The following GNA14 variants were observed in gnomAD, a reference collection of about 807,000 sequenced individuals.
GNA14 encodes the protein G protein subunit alpha 14.
GNA14 carries 50 observed loss-of-function variants against 42.0 expected under a neutral mutation model. That is an observed-to-expected ratio of 1.19 (90% CI 0.95 to 1.51). The LOEUF (loss-of-function observed/expected upper bound fraction) is 1.51. GNA14 is among the 40% of genes most tolerant of loss of function. GNA14 has a pLI of 0.00. For synonymous variants in GNA14, 173 were observed against 163.1 expected (o/e 1.06, Z -0.46); for missense variants, 473 against 446.2 (o/e 1.06, Z -0.54).
intron 1 of GNA14, among the ~76,000 whole-genome samples, chr9:77,558,229 C>T (rs75468398): frequency 6.6e-6 from 1 of 151,944 alleles, no homozygotes; most frequent in Non-Finnish European, 1.5e-5. Context: ...TTTGGAGGTG[C>T]CTTGCCATGA....
At chr9:77,612,384 TACCAAGCCTGCAGGG>T (rs1823748399) in intron 1 of GNA14, among the ~76,000 whole-genome samples, 1 of 152,180 alleles carries the variant, frequency 6.6e-6, no homozygotes, top group Non-Finnish European at 1.5e-5. Context: ...ACATCATTCC[TACCAAGCCTGCAGGG>T]AAAGTAGCTC....
At chr9:77,483,388 T>G (rs1009024420) in intron 2 of GNA14, among the ~76,000 whole-genome samples, 2 of 152,140 alleles carry the variant, frequency 1.3e-5, no homozygotes, top group African/African-American at 4.8e-5. Context: ...GAACAGCGGA[T>G]ATGGGTGACC....
chr9:77,553,055 A>C (rs1837804969), intron 1 of GNA14, among the ~76,000 whole-genome samples: 1 of 152,200 alleles, frequency 6.6e-6, no homozygotes, highest in South Asian at 2.1e-4. Flanking sequence ...ACATCCCAGG[A>C]AAAAAGGCAC....
At chr9:77,475,369 T>C (rs1298468941) in intron 2 of GNA14, among the ~76,000 whole-genome samples, 1 of 152,200 alleles carries the variant, frequency 6.6e-6, no homozygotes, top group African/African-American at 2.4e-5. Context: ...GGATCAGAAC[T>C]TGAAAAGGCT....
At chr9:77,506,637 A>G (rs1368845439) in intron 2 of GNA14, among the ~76,000 whole-genome samples, 1 of 152,176 alleles carries the variant, frequency 6.6e-6, no homozygotes, top group Non-Finnish European at 1.5e-5. Flanking sequence ...AGATCAGGCC[A>G]CTACACTCCA....
chr9:77,601,976 T>C (rs1823573477), intron 1 of GNA14, among the ~76,000 whole-genome samples: 1 of 152,228 alleles, frequency 6.6e-6, no homozygotes, highest in Non-Finnish European at 1.5e-5. Flanking sequence ...CAGACTGTGC[T>C]CAGTCCTGCA....
At chr9:77,623,384 T>C (rs1238626241) in intron 1 of GNA14, among the ~76,000 whole-genome samples, 1 of 152,082 alleles carries the variant, frequency 6.6e-6, no homozygotes, top group Non-Finnish European at 1.5e-5. Flanking sequence ...TGTAAATCTC[T>C]TCCTAATTGG....
intron 1 of GNA14, among the ~76,000 whole-genome samples, chr9:77,587,036 A>T (rs1344851761): frequency 6.6e-6 from 1 of 151,590 alleles, no homozygotes; most frequent in African/African-American, 2.4e-5. Flanking sequence ...ATTAAAGGAA[A>T]ATCTTACTAA....
In GNA14 at chr9:77,462,194, C is replaced by T. The variant is rs116593041; in HGVS notation, c.310-27672G>A. 7.2e-3 allele frequency among the ~76,000 whole-genome samples: 1,090 copies of T among 152,224 alleles called. 12 individuals carry two copies. Among genetic ancestry groups the T allele is most frequent in the African/African-American group, 0.024 (1,004 of 41,526 alleles). The stretch of plus-strand genomic sequence containing the variant: ...TTCATCAGATGTTCACCAGTCTTTG[C>T]CCCGCAGCTCTTTGTCCCTGGGCAT... On this transcript the variant is annotated intron_variant, in intron 2 of 6. Coordinates refer to ENST00000341700, the MANE Select transcript of GNA14 (RefSeq NM_004297.4).
chr9:77,516,069 C>T (rs1413296635), intron 2 of GNA14, among the ~76,000 whole-genome samples: 2 of 150,784 alleles, frequency 1.3e-5, no homozygotes, highest in South Asian at 2.1e-4. Context: ...GTACATGACC[C>T]GCAAGCAGAG....
intron 1 of GNA14, among the ~76,000 whole-genome samples, chr9:77,543,753 G>A (rs752725988): frequency 2.6e-5 from 4 of 152,182 alleles, no homozygotes; most frequent in South Asian, 2.1e-4. Context: ...GGTGCTTCCC[G>A]TCACTTCTCT....
intron 2 of GNA14, among the ~76,000 whole-genome samples, chr9:77,514,864 C>A (rs745635216): frequency 6.6e-6 from 1 of 152,148 alleles, no homozygotes; most frequent in East Asian, 1.9e-4. Context: ...CCGCCCACCT[C>A]GGCCTCCCAA....
At chr9:77,630,636 A>T (rs888929093) in intron 1 of GNA14, among the ~76,000 whole-genome samples, 1 of 152,254 alleles carries the variant, frequency 6.6e-6, no homozygotes, top group African/African-American at 2.4e-5. Flanking sequence ...ATTAAGAAAC[A>T]TCCCTTTAAT....
At chr9:77,631,230 A>C (rs1436074995) in intron 1 of GNA14, among the ~76,000 whole-genome samples, 1 of 152,146 alleles carries the variant, frequency 6.6e-6, no homozygotes, top group Non-Finnish European at 1.5e-5. Context: ...CCGTCAGGTT[A>C]CATCTTCCTC....
intron 1 of GNA14, among the ~76,000 whole-genome samples, chr9:77,533,744 C>T (rs1837560221): frequency 6.6e-6 from 1 of 152,186 alleles, no homozygotes; most frequent in South Asian, 2.1e-4. Context: ...TCCCCCTAAA[C>T]TTGAGATATT....
At chr9:77,591,264 C>T (rs898093821) in intron 1 of GNA14, among the ~76,000 whole-genome samples, 3 of 152,204 alleles carry the variant, frequency 2.0e-5, no homozygotes, top group Non-Finnish European at 4.4e-5. Context: ...ACCCAGCCTA[C>T]ATCAAATTGC....
chr9:77,620,685 A>G (rs1823905819), intron 1 of GNA14, among the ~76,000 whole-genome samples: 1 of 151,908 alleles, frequency 6.6e-6, no homozygotes, highest in African/African-American at 2.4e-5. Context: ...TGTCTCTACT[A>G]AAAATACAAA....
chr9:77,527,883 C>T (rs1057457887), intron 2 of GNA14, among the ~76,000 whole-genome samples: 21 of 152,182 alleles, frequency 1.4e-4, no homozygotes, highest in African/African-American at 5.1e-4. Flanking sequence ...GATCCCCCTG[C>T]CTTGGCCTCC....
At chr9:77,457,729 A>G (rs1308810926) in intron 2 of GNA14, among the ~76,000 whole-genome samples, 1 of 152,066 alleles carries the variant, frequency 6.6e-6, no homozygotes, top group East Asian at 1.9e-4. Context: ...CCAGCCTGCT[A>G]CTCTTAATAA....
Sources: allele counts gnomAD v4.1 joint callset (sites outside exome capture counted in the v4.1 genomes callset), GRCh38; gene constraint gnomAD v4.1.1; transcripts MANE v1.5; gene names NCBI Gene and HGNC (gene_info 2026-07-23, HGNC 2026-07-21).